Variants in SNX1 observed in about 807,000 individuals in gnomAD.
SNX1 encodes sorting nexin-1.
SNX1 carries 36 observed loss-of-function variants against 71.8 expected under a neutral mutation model. That is an observed-to-expected ratio of 0.50 (90% confidence interval 0.38 to 0.66). The LOEUF (loss-of-function observed/expected upper bound fraction) is 0.66, where lower values mean the gene tolerates loss of function less well. Among genes scored for constraint, SNX1 ranks in the 30% least tolerant of loss-of-function variants. The pLI is 0.00. For synonymous variants in SNX1, 254 were observed against 240.7 expected, an observed-to-expected ratio of 1.06 and a Z score of -0.51; for missense variants, 612 against 646.7, an observed-to-expected ratio of 0.95 and a Z score of 0.58.
Position 64,129,956 on chromosome 15 carries a change from G to A in SNX1, c.848G>A (p.Gly283Asp). 6.2e-7 allele frequency: 1 copy of A among 1,614,084 alleles called. No individual in the cohort carries two copies. Among genetic ancestry groups the A allele is most frequent in the Non-Finnish European group, 8.5e-7 (1 of 1,180,006 alleles). Residue 283 changes from glycine to aspartate, a missense_variant, in exon 9 of 15, where the codon GGT (glycine) becomes GAT (aspartate). Gly to Asp is a moderately conservative substitution (Grantham distance 94, BLOSUM62 -1). This residue lies in a region of SNX1 where 296 missense variants were observed against 361.9 expected (regional missense o/e 0.82). Transcript: ENST00000559844. The surrounding 1 kb of genome is among the most constrained non-coding windows in gnomAD (Gnocchi z 4.4). Reference protein sequence around the residue: ...AVGTQTLSGAGLLKMFNKATD... With the variant: ...AVGTQTLSGADLLKMFNKATD... ...GGTACCCAGACATTGAGTGGTGCTG[G>A]TCTCCTCAAGATGTTCAACAAAGCC...
intron 12 of SNX1, among the ~76,000 whole-genome samples, chr15:64,135,472 C>T (rs972683572): frequency 2.7e-5 from 4 of 150,076 alleles, no homozygotes; most frequent in African/African-American, 9.8e-5. Flanking sequence ...AAAAAATTAG[C>T]CAGGGCTGGG....
In SNX1 at chr15:64,134,802, C is replaced by T. The variant is rs749131116; in HGVS notation, c.1360C>T (p.Leu454Phe). The stretch of plus-strand genomic sequence containing the variant: ...GCTGCAGCAGGCCAAGGACGAGATC[C>T]TCGAGGTGAGTCCACTGAGGCAGCC... The part of the protein sequence containing the change: ...DKLQQAKDEI[L>F]EWESRVTQYE... The change falls in exon 12 of 15, where the codon CTC becomes TTC. Residue 454 changes from leucine to phenylalanine, a missense_variant. This residue lies in a region of SNX1 where 296 missense variants were observed against 361.9 expected (regional missense o/e 0.82). Transcript: ENST00000559844. This position sits in a 1 kb window ranked among gnomAD's most constrained non-coding sequence, Gnocchi z 4.1. 9.3e-6 allele frequency: 15 copies of T among 1,613,762 alleles called. No individual in the cohort carries two copies. Among genetic ancestry groups the T allele is most frequent in the Non-Finnish European group, 1.3e-5 (15 of 1,180,016 alleles).
intron 1 of SNX1, among the ~76,000 whole-genome samples, chr15:64,109,243 C>T (rs545462635): frequency 1.1e-4 from 16 of 151,374 alleles, no homozygotes; most frequent in African/African-American, 2.9e-4. Flanking sequence ...TGTGGTGGCA[C>T]GCGCCTGTAG....
chr15:64,126,171 C>T lies in SNX1; in HGVS notation c.603C>T (p.His201=). The part of the protein sequence containing the change: ...LGLYEKLSEK[H]SQNGFIVPPP... ...TTTATGAGAAGCTTTCCGAGAAGCA[C>T]TCTCAGAATGGCTTCATTGTCCCTC... Residue 201 remains histidine (H), a synonymous_variant, in exon 6 of 15, where the codon CAC becomes CAT. Coordinates refer to ENST00000559844, the MANE Select transcript of SNX1 (RefSeq NM_003099.5). The T allele has an allele frequency of 1.2e-6, 2 of 1,614,086 alleles. No homozygotes were observed. The highest frequency in any genetic ancestry group is 2.2e-5 in the East Asian group (1 of 44,880).
At chr15:64,100,410 G>T (rs1479754894) in intron 1 of SNX1, among the ~76,000 whole-genome samples, 1 of 151,946 alleles carries the variant, frequency 6.6e-6, no homozygotes, top group Non-Finnish European at 1.5e-5. Context: ...GACCAGCCTG[G>T]CCAACATGGT....
In SNX1 at chr15:64,127,191, G is replaced by A. The variant is rs759556508; in HGVS notation, c.670G>A (p.Val224Ile). The change falls in exon 7 of 15, where the codon GTT becomes ATT. Residue 224 changes from valine to isoleucine, a missense_variant. By Grantham distance (29) the Val-to-Ile change is conservative. Coordinates refer to ENST00000559844, the MANE Select transcript of SNX1 (RefSeq NM_003099.5). ...CATTCTAGGGATGACAAAAGTGAAA[G>A]TTGGGAAGGAAGATTCTTCTTCTGC... Reference protein sequence around the residue: ...KSLIGMTKVKVGKEDSSSAEF... With the variant: ...KSLIGMTKVKIGKEDSSSAEF... 108 of 1,613,334 alleles carry A rather than the reference G, an allele frequency of 6.7e-5. No individual in the cohort carries two copies. Among genetic ancestry groups the A allele is most frequent in the Non-Finnish European group, 8.1e-5 (96 of 1,179,632 alleles).
At chr15:64,113,240 A>G (rs1485748540) in intron 2 of SNX1, among the ~76,000 whole-genome samples, 1 of 152,246 alleles carries the variant, frequency 6.6e-6, no homozygotes, top group Non-Finnish European at 1.5e-5. Flanking sequence ...AAACACTAGT[A>G]TAGGACAGTT....
intron 11 of SNX1, among the ~76,000 whole-genome samples, chr15:64,132,627 C>G (rs966282176): frequency 6.6e-6 from 1 of 152,202 alleles, no homozygotes; most frequent in Non-Finnish European, 1.5e-5. Flanking sequence ...AGCCTGGCAC[C>G]TACACTCTAA....
intron 14 of SNX1, 37 bp from the exon 15 acceptor site, chr15:64,137,531 G>T (rs1304314218): frequency 1.9e-6 from 3 of 1,613,332 alleles, no homozygotes; most frequent in African/African-American, 1.3e-5. Flanking sequence ...CTGCCACTAG[G>T]TGGGGGCACT....
chr15:64,098,706 A>AG (rs1266583918), intron 1 of SNX1, among the ~76,000 whole-genome samples: 3 of 151,814 alleles, frequency 2.0e-5, no homozygotes, highest in Admixed American at 6.6e-5. Flanking sequence ...AAAAAAAAAA[A>AG]AAGTAGAAAT....
chr15:64,129,457 A>G lies in SNX1; in HGVS notation c.808-459A>G, dbSNP rs1227131406. On this transcript the variant is annotated intron_variant, in intron 8 of 14. Transcript: ENST00000559844. This position sits in a 1 kb window ranked among gnomAD's most constrained non-coding sequence, Gnocchi z 4.4. ...CTGAAAGTAGCCTTGATCTGAATCA[A>G]TAATTTTCTTGTCCTCGGATATTTG... 6.6e-6 allele frequency among the ~76,000 whole-genome samples: 1 copy of G among 152,240 alleles called. No homozygotes were observed. Among genetic ancestry groups the G allele is most frequent in the African/African-American group, 2.4e-5 (1 of 41,462 alleles).
intron 1 of SNX1, among the ~76,000 whole-genome samples, chr15:64,109,118 C>A (rs2081052559): frequency 6.6e-6 from 1 of 152,092 alleles, no homozygotes; most frequent in Admixed American, 6.5e-5. Flanking sequence ...TGTCTGTAAT[C>A]CCAGCACTTT....
At chr15:64,124,862 T>G (rs965178903) in intron 5 of SNX1, among the ~76,000 whole-genome samples, 1 of 152,234 alleles carries the variant, frequency 6.6e-6, no homozygotes, top group African/African-American at 2.4e-5. Flanking sequence ...TTCCCATTGA[T>G]TCACTTCCTT....
intron 4 of SNX1, among the ~76,000 whole-genome samples, chr15:64,119,666 G>A (rs1014058994): frequency 1.3e-5 from 2 of 151,632 alleles, no homozygotes; most frequent in African/African-American, 4.8e-5. Context: ...GGAGGCTGCA[G>A]TGAGCTGAGA....
intron 11 of SNX1, among the ~76,000 whole-genome samples, chr15:64,133,775 G>C (rs60689781): frequency 0.041 from 6,179 of 152,216 alleles, 432 homozygotes; most frequent in African/African-American, 0.14. Context: ...GGCAGTGAGG[G>C]AGCCGCTGGA....
intron 12 of SNX1, 49 bp from the exon 13 acceptor site, chr15:64,136,281 T>A: frequency 7.0e-7 from 1 of 1,438,360 alleles, no homozygotes; most frequent in Non-Finnish European, 9.8e-7. Context: ...GAAGGCTTAA[T>A]AATGGTGCCA....
At chr15:64,114,723 A>G (rs906192919) in intron 2 of SNX1, among the ~76,000 whole-genome samples, 1 of 152,262 alleles carries the variant, frequency 6.6e-6, no homozygotes, top group Non-Finnish European at 1.5e-5. Flanking sequence ...TAGGAAATTT[A>G]AAAGACATAC....
intron 1 of SNX1, 30 bp from the exon 2 acceptor site, chr15:64,112,543 G>A (rs771213103): frequency 2.7e-6 from 4 of 1,502,514 alleles, no homozygotes; most frequent in African/African-American, 1.4e-5. Context: ...TCATGGTAAT[G>A]TTTTATTCAG....
At chr15:64,131,394 T>C (rs572462872) in intron 10 of SNX1, among the ~76,000 whole-genome samples, 15 of 152,314 alleles carry the variant, frequency 9.8e-5, no homozygotes, top group African/African-American at 3.6e-4. Context: ...CTGTTTGTTA[T>C]TTAACAACTG....
Sources: allele counts gnomAD v4.1 joint callset (sites outside exome capture counted in the v4.1 genomes callset), GRCh38; gene constraint gnomAD v4.1.1; regional missense constraint gnomAD v4.1.1; non-coding constraint Gnocchi (gnomAD v3.1); transcripts MANE v1.5; gene names NCBI Gene and HGNC (gene_info 2026-07-23, HGNC 2026-07-21).